TSHZ3: variants seen among roughly 807,000 people sequenced by gnomAD.
The protein encoded by TSHZ3 is teashirt homolog 3.
TSHZ3 carries 10 observed loss-of-function variants against 64.5 expected under a neutral mutation model. The ratio of observed to expected loss-of-function variants is 0.16; its 90% CI spans 0.10 to 0.26. The LOEUF (loss-of-function observed/expected upper bound fraction) is 0.26, where lower values mean the gene tolerates loss of function less well. TSHZ3 is among the 10% of genes least tolerant of loss of function. The pLI, the probability that TSHZ3 is intolerant of heterozygous loss-of-function variation, is 1.00. For synonymous variants in TSHZ3, 608 were observed against 593.1 expected, an observed-to-expected ratio of 1.03 and a Z score of -0.36; for missense variants, 1,242 against 1,421.7, an observed-to-expected ratio of 0.87 and a Z score of 2.03.
rs536145424 is a variant in TSHZ3, at chr19:31,260,851, C to T, written n.64-17976G>A. ...TGTTAGCACTTAGGAAGGCACTGAG[C>T]TTGAACTCAAAGGTTGTGAGAATCC... On this transcript the variant is annotated intron_variant and non_coding_transcript_variant, in intron 1 of 6. Coordinates refer to the TSHZ3 transcript ENST00000651361. 2.1e-4 allele frequency among the ~76,000 whole-genome samples: 32 copies of T among 152,342 alleles called. 1 individual carries two copies. In the South Asian group the frequency reaches 6.4e-3, roughly 31 times the overall value.
chr19:31,198,522 C>T (rs2041060045), intron 5 of TSHZ3, among the ~76,000 whole-genome samples: 2 of 152,058 alleles, frequency 1.3e-5, no homozygotes, highest in South Asian at 4.2e-4. Context: ...ACATGATTGC[C>T]TATCTAGAAA....
intron 5 of TSHZ3, among the ~76,000 whole-genome samples, chr19:31,194,080 G>GA (rs34313170): frequency 0.68 from 103,965 of 151,984 alleles, 35,660 homozygotes; most frequent in Middle Eastern, 0.74. Flanking sequence ...CAACTTACTA[G>GA]ATAGAAATTC....
At chr19:31,235,691 C>T (rs577332773) in intron 3 of TSHZ3, among the ~76,000 whole-genome samples, 1 of 101,190 alleles carries the variant, frequency 9.9e-6, no homozygotes, top group Non-Finnish European at 2.1e-5. Flanking sequence ...CTTTCTTCTC[C>T]TCTTCTTCTT....
At position 31,330,329 on chromosome 19, in the gene TSHZ3, G is replaced by C. The variant is rs147685721; in HGVS notation, c.40+18851C>G. Among the ~76,000 whole-genome samples, 383 of 152,310 alleles carry C rather than the reference G, an allele frequency of 2.5e-3. 2 individuals carry two copies. Among genetic ancestry groups the C allele is most frequent in the African/African-American group, 8.6e-3 (357 of 41,566 alleles). On this transcript the variant is annotated intron_variant, in intron 1 of 1. Coordinates refer to ENST00000240587, the MANE Select transcript of TSHZ3 (RefSeq NM_020856.4). Reference sequence around the variant, plus strand: ...AAACATCTAACGCCTAGCAGGGGTGGAGCAGTGAGCTGACCGGCAGGCATG... The same window carrying C: ...AAACATCTAACGCCTAGCAGGGGTGCAGCAGTGAGCTGACCGGCAGGCATG...
intron 1 of TSHZ3, among the ~76,000 whole-genome samples, chr19:31,247,431 T>C (rs1353456106): frequency 6.6e-6 from 1 of 152,192 alleles, no homozygotes; most frequent in Admixed American, 6.5e-5. Flanking sequence ...AAATGAGTAA[T>C]GCAAACCTAA....
In TSHZ3 at chr19:31,181,763, C is replaced by CT. The variant is rs372146410; in HGVS notation, n.809+23192dup. On this transcript the variant is annotated intron_variant and non_coding_transcript_variant, in intron 5 of 6. Transcript: ENST00000651361. ...AGGGGACTTGGAAAGTGGCCTTCTGCTTTTTTTTGTTGTTGCTGGACATTT... is the reference window on the plus strand; with the variant it reads ...AGGGGACTTGGAAAGTGGCCTTCTGCTTTTTTTTTGTTGTTGCTGGACATTT... 4.8e-3 allele frequency among the ~76,000 whole-genome samples: 736 copies of CT among 152,138 alleles called. 3 individuals carry two copies. The highest frequency in any genetic ancestry group is 0.016 in the African/African-American group (684 of 41,492).
In TSHZ3 at chr19:31,278,128, T is replaced by C. The variant is rs755265499; in HGVS notation, c.1665A>G (p.Gln555=). 12 of 1,614,082 alleles carry C rather than the reference T, an allele frequency of 7.4e-6. No individual in the cohort carries two copies. The highest frequency in any genetic ancestry group is 1.6e-4 in the Middle Eastern group (1 of 6,062). Residue 555 remains glutamine, a synonymous_variant, in exon 2 of 2, where the codon CAA becomes CAG. Coordinates refer to ENST00000240587, the MANE Select transcript of TSHZ3 (RefSeq NM_020856.4). The surrounding 1 kb of genome is among the most constrained non-coding windows in gnomAD (Gnocchi z 4.7). ...GGYPSIHAAY[Q]LPNMMKLSLG... ...GGGACAACTTCATCATGTTGGGAAG[T>C]TGGTAGGCGGCATGGATGCTGGGAT...
rs751668976 is a variant in TSHZ3 at position 31,276,701 on chromosome 19, G to A, written c.3092C>T (p.Ser1031Phe). 1.5e-5 allele frequency: 25 copies of A among 1,613,764 alleles called. No individual in the cohort carries two copies. In the South Asian group the frequency reaches 2.7e-4, roughly 18 times the overall value. ...AGTCCCCAGGTCTTCCTCGGGGGAGGACGTCACCATTTTTTCTGACGGTGA... is the reference window on the plus strand; with the variant it reads ...AGTCCCCAGGTCTTCCTCGGGGGAGAACGTCACCATTTTTTCTGACGGTGA... ...TKSPSEKMVT[S>F]SPEEDLGTSY... is the part of the protein sequence containing the mutation. The change falls in exon 2 of 2, where the codon TCC becomes TTC. Residue 1031 changes from serine to phenylalanine, a missense_variant. Physicochemically the swap from Ser to Phe is radical, Grantham distance 155. Transcript: ENST00000240587.
At position 31,257,621 on chromosome 19, in the gene TSHZ3, C is replaced by A. The variant is rs188398749; in HGVS notation, n.64-14746G>T. Among the ~76,000 whole-genome samples the A allele has an allele frequency of 2.8e-3, 423 of 151,914 alleles. 3 individuals carry two copies. Among genetic ancestry groups the A allele is most frequent in the African/African-American group, 9.8e-3 (405 of 41,268 alleles). ...CTGTTGGTCAGGCTGGCCCCAGGAC[C>A]TGCTAAGTCACTGTGGTTTAAGATT... On this transcript the variant is annotated intron_variant and non_coding_transcript_variant, in intron 1 of 6. Transcript: ENST00000651361.
chr19:31,331,331 T>C (rs1917086332), intron 1 of TSHZ3, among the ~76,000 whole-genome samples: 1 of 152,226 alleles, frequency 6.6e-6, no homozygotes, highest in Non-Finnish European at 1.5e-5. Flanking sequence ...ATTAATTTTC[T>C]TTCATAGCCT....
chr19:31,204,283 C>T (rs1975130941), intron 5 of TSHZ3, among the ~76,000 whole-genome samples: 2 of 151,802 alleles, frequency 1.3e-5, no homozygotes, highest in African/African-American at 4.8e-5. Context: ...TCCCTCTCTT[C>T]CTTCCTTTTT....
At position 31,198,258 on chromosome 19, in the gene TSHZ3, T is replaced by C. The variant is rs948566843; in HGVS notation, n.809+6698A>G. ...TGATCAAATCTAACATCACTTATGA[T>C]AAAAACTATCAGTAAACCAGAAATA... is the stretch of plus-strand genomic sequence containing the variant. On this transcript the variant is annotated intron_variant and non_coding_transcript_variant, in intron 5 of 6. Transcript: ENST00000651361. Among the ~76,000 whole-genome samples, 5 of 152,098 alleles carry C rather than the reference T, an allele frequency of 3.3e-5. No homozygotes were observed. The East Asian group carries it at 5.8e-4, about 18-fold the overall frequency.
At chr19:31,213,797 G>A (rs754057543) in intron 4 of TSHZ3, among the ~76,000 whole-genome samples, 2 of 152,164 alleles carry the variant, frequency 1.3e-5, no homozygotes, top group African/African-American at 2.4e-5. Context: ...GGCACTTAGC[G>A]CACGTTTGGT....
chr19:31,295,151 G>GGACGATAA (rs1225435629), intron 1 of TSHZ3, among the ~76,000 whole-genome samples: 6 of 152,266 alleles, frequency 3.9e-5, no homozygotes, highest in African/African-American at 1.4e-4. Context: ...CAACTCACAA[G>GGACGATAA]GACGATAAGA....
chr19:31,296,527 G>C (rs1276864873), intron 1 of TSHZ3, among the ~76,000 whole-genome samples: 1 of 151,948 alleles, frequency 6.6e-6, no homozygotes, highest in Non-Finnish European at 1.5e-5. Context: ...GTAGAGACAG[G>C]GTTTCACCAT....
intron 1 of TSHZ3, among the ~76,000 whole-genome samples, chr19:31,261,823 C>G (rs958959610): frequency 6.6e-6 from 1 of 152,114 alleles, no homozygotes; most frequent in African/African-American, 2.4e-5. Context: ...TCTCAAGGCA[C>G]GTGCAGAGAT....
chr19:31,284,696 A>G (rs1314925571), intron 1 of TSHZ3, among the ~76,000 whole-genome samples: 1 of 151,986 alleles, frequency 6.6e-6, no homozygotes. Flanking sequence ...CAGGGTTTTG[A>G]CCCCAGCTTT....
In TSHZ3 at chr19:31,278,988, C is replaced by T; in HGVS notation, c.805G>A (p.Glu269Lys). ...CACTTCAGCACCTTCTGGGCGTCTT[C>T]CTTCCCTTCCATTTCCAGCAAGGAG... Reference protein sequence around the residue: ...KRSLLEMEGKEDAQKVLKCMY... With the variant: ...KRSLLEMEGKKDAQKVLKCMY... The change falls in exon 2 of 2, where the codon GAA becomes AAA. Residue 269 changes from glutamate (E) to lysine (K), a missense_variant. Physicochemically the swap from Glu to Lys is moderately conservative, Grantham distance 56. Around this residue, in one of 4 missense-constraint regions of TSHZ3, gnomAD observed 555 missense variants for 704.0 expected, o/e 0.79. Transcript: ENST00000240587. This position sits in a 1 kb window ranked among gnomAD's most constrained non-coding sequence, Gnocchi z 4.7. 6.2e-7 allele frequency: 1 copy of T among 1,614,018 alleles called. No homozygotes were observed. The highest frequency in any genetic ancestry group is 8.5e-7 in the Non-Finnish European group (1 of 1,179,900).
chr19:31,164,977 C>T (rs886391617), intron 5 of TSHZ3, among the ~76,000 whole-genome samples: 1 of 152,238 alleles, frequency 6.6e-6, no homozygotes, highest in Non-Finnish European at 1.5e-5. Flanking sequence ...CCTCGGGCCT[C>T]AGTGGTGGTG....
Sources: allele counts gnomAD v4.1 joint callset (sites outside exome capture counted in the v4.1 genomes callset), GRCh38; gene constraint gnomAD v4.1.1; regional missense constraint gnomAD v4.1.1; non-coding constraint Gnocchi (gnomAD v3.1); transcripts MANE v1.5; gene names NCBI Gene and HGNC (gene_info 2026-07-23, HGNC 2026-07-21).